Variants in FAHD1 observed in about 807,000 individuals in gnomAD.
FAHD1 encodes the protein FAH domain containing oxaloacetate decarboxylase 1, also known as oxaloacetate tautomerase FAHD1, mitochondrial.
A neutral mutation model predicts 12.7 loss-of-function variants in FAHD1; 14 were observed. That is an observed-to-expected ratio of 1.10 (90% CI 0.73 to 1.72). The LOEUF (loss-of-function observed/expected upper bound fraction) is 1.72, where lower values mean the gene tolerates loss of function less well. FAHD1 is among the 40% of genes most tolerant of loss of function. FAHD1 has a pLI of 0.00. For synonymous variants in FAHD1, 153 were observed against 124.9 expected, an observed-to-expected ratio of 1.22 and a Z score of -1.50; for missense variants, 351 against 298.9, an observed-to-expected ratio of 1.17 and a Z score of -1.29.
downstream of FAHD1, among the ~76,000 whole-genome samples, chr16:1,829,195 C>G (rs1010042645): frequency 6.6e-6 from 1 of 152,188 alleles, no homozygotes; most frequent in Non-Finnish European, 1.5e-5. Flanking sequence ...CTTTGGGCTT[C>G]GGCAGGGGTT....
intron 1 of FAHD1, among the ~76,000 whole-genome samples, chr16:1,835,197 G>C (rs973130487): frequency 1.7e-4 from 26 of 152,022 alleles, no homozygotes; most frequent in Non-Finnish European, 2.2e-4. Context: ...TGAGGCTGCA[G>C]TAAGCTGTGA....
chr16:1,839,129 T>C, intron 2 of FAHD1: 1 of 1,154,138 alleles, frequency 8.7e-7, no homozygotes, highest in Non-Finnish European at 1.2e-6. Context: ...GCAAGATGAT[T>C]TTTTCCCAGG....
exon 1 of FAHD1, chr16:1,827,487 C>T (rs981176936): frequency 5.0e-6 from 8 of 1,612,400 alleles, no homozygotes; most frequent in East Asian, 2.2e-5. Flanking sequence ...GCGCAGTCCC[C>T]GAGGCTGCGG....
downstream of FAHD1, among the ~76,000 whole-genome samples, chr16:1,832,550 C>T (rs866877438): frequency 1.1e-4 from 17 of 151,820 alleles, no homozygotes; most frequent in Non-Finnish European, 2.2e-4. Context: ...CTTTGGGAGG[C>T]CGAGGTGGGT....
rs1041302992 is a variant in FAHD1 at position 1,837,750 on chromosome 16, T to C, written c.628-266T>C. On this transcript the variant is annotated intron_variant, in intron 1 of 2. Transcript: ENST00000382666. ...GTTTGAATATACAGAATAATAAATATATAGAATAATATGGGACTATAAAAT... is the reference window on the plus strand; with the variant it reads ...GTTTGAATATACAGAATAATAAATACATAGAATAATATGGGACTATAAAAT... The C allele has an allele frequency of 2.8e-6, 3 of 1,054,970 alleles. No individual in the cohort carries two copies. In the East Asian group the frequency reaches 7.8e-5, roughly 28 times the overall value. 65.4% of individuals were successfully genotyped at this position (1,054,970 alleles called of 1,614,324 possible). A position where few individuals can be genotyped will look rare whatever the true frequency, so the allele number is the denominator to read the frequency against.
chr16:1,829,104 G>A (rs1898576294), downstream of FAHD1, among the ~76,000 whole-genome samples: 1 of 152,150 alleles, frequency 6.6e-6, no homozygotes, highest in Non-Finnish European at 1.5e-5. Context: ...TGGGACTGCT[G>A]CTTTTGCTCT....
chr16:1,830,181 ACTTG>A (rs1898595955), downstream of FAHD1, among the ~76,000 whole-genome samples: 1 of 152,252 alleles, frequency 6.6e-6, no homozygotes, highest in African/African-American at 2.4e-5. Context: ...CAATTATTTA[ACTTG>A]CTTATTTCAC....
chr16:1,838,598 G>A (rs1162711737), intron 2 of FAHD1, among the ~76,000 whole-genome samples: 8 of 152,110 alleles, frequency 5.3e-5, no homozygotes, highest in African/African-American at 1.9e-4. Context: ...AATCTTCCTA[G>A]AAAAACCACC....
At chr16:1,827,993 A>G in exon 1 of FAHD1, 3 of 1,532,146 alleles carry the variant, frequency 2.0e-6, no homozygotes, top group Non-Finnish European at 2.6e-6. Context: ...ATTAGAAACC[A>G]TTTATTGGCC....
intron 2 of FAHD1, among the ~76,000 whole-genome samples, chr16:1,838,432 T>C (rs1898807795): frequency 6.6e-6 from 1 of 152,220 alleles, no homozygotes; most frequent in African/African-American, 2.4e-5. Context: ...TAAAGTCTAA[T>C]GGTAAATTTC....
exon 3 of FAHD1, chr16:1,839,483 A>G: frequency 2.6e-6 from 4 of 1,518,646 alleles, no homozygotes; most frequent in Non-Finnish European, 2.7e-6. Context: ...GCCCTAAGCT[A>G]CAAATTTCAT....
At chr16:1,837,102 A>T (rs1411164166) in intron 1 of FAHD1, among the ~76,000 whole-genome samples, 1 of 152,108 alleles carries the variant, frequency 6.6e-6, no homozygotes, top group Non-Finnish European at 1.5e-5. Context: ...TGACACCTTG[A>T]ACACAAAGAC....
intron 1 of FAHD1, among the ~76,000 whole-genome samples, chr16:1,834,641 A>G (rs1190451178): frequency 1.3e-5 from 2 of 152,236 alleles, no homozygotes; most frequent in African/African-American, 2.4e-5. Context: ...TAAAAGTCTA[A>G]TGTGGCCGGG....
intron 1 of FAHD1, chr16:1,834,290 G>C (rs1206999685): frequency 6.2e-7 from 1 of 1,611,928 alleles, no homozygotes; most frequent in South Asian, 1.1e-5. Context: ...GTTTCTGCTT[G>C]CCTCAGTAGG....
intron 1 of FAHD1, chr16:1,837,754 G>T (rs1266630481): frequency 6.4e-6 from 7 of 1,097,378 alleles, no homozygotes; most frequent in Non-Finnish European, 9.2e-6. Context: ...TAAATATATA[G>T]AATAATATGG....
At chr16:1,839,105 A>T in intron 2 of FAHD1, 1 of 842,768 alleles carries the variant, frequency 1.2e-6, no homozygotes, top group Non-Finnish European at 1.8e-6. Context: ...TCATCAAAGC[A>T]ATGTGTGTTT....
downstream of FAHD1, among the ~76,000 whole-genome samples, chr16:1,832,739 C>T (rs10468427): frequency 0.18 from 27,014 of 152,046 alleles, 2,564 homozygotes; most frequent in South Asian, 0.27. Flanking sequence ...GCCAAGCCAG[C>T]ACCAACCACG....
At chr16:1,837,200 TTTAA>T (rs143636881) in intron 1 of FAHD1, among the ~76,000 whole-genome samples, 18,893 of 152,112 alleles carry the variant, frequency 0.12, 1,185 homozygotes, top group South Asian at 0.13. Flanking sequence ...GGTTAGCAAA[TTTAA>T]TTAACCTCTG....
exon 1 of FAHD1, chr16:1,827,548 G>C (rs886448634): frequency 6.2e-7 from 1 of 1,613,210 alleles, no homozygotes; most frequent in Non-Finnish European, 8.5e-7. Context: ...GACCGCCCGG[G>C]ACGTGCAGGA....
Sources: gnomAD v4.1 joint callset for allele counts (sites outside exome capture counted in the v4.1 genomes callset) on GRCh38, gnomAD v4.1.1 for gene constraint, MANE v1.5 for transcripts, NCBI Gene and HGNC (gene_info 2026-07-23, HGNC 2026-07-21) for gene names.